The following STAU1 variants were observed in gnomAD, a reference collection of about 807,000 sequenced individuals.
STAU1 encodes staufen double-stranded RNA binding protein 1.
A neutral mutation model predicts 62.9 loss-of-function variants in STAU1; 13 were observed. The observed-to-expected ratio is 0.21, with a 90% confidence interval of 0.13 to 0.33. The LOEUF is 0.33. Ranked by LOEUF, STAU1 falls within the 10% of genes least tolerant of loss-of-function variation. The pLI is 1.00. For missense variants in STAU1, 571 were observed against 712.1 expected, an observed-to-expected ratio of 0.80 and a Z score of 2.25; for synonymous variants, 269 against 265.1, an observed-to-expected ratio of 1.01 and a Z score of -0.14.
chr20:49,158,389 A>G (rs745559213), intron 3 of STAU1: 2 of 1,210,894 alleles, frequency 1.7e-6, no homozygotes, highest in East Asian at 1.1e-4. Flanking sequence ...GGATTTCAGT[A>G]TGTCTAGGTC....
rs746719921 is a variant in STAU1, at chr20:49,151,839, G to A, written c.345-92C>T. 6.7e-5 allele frequency: 75 copies of A among 1,124,708 alleles called. No homozygotes were observed. In the Middle Eastern group the frequency reaches 7.4e-4, roughly 11 times the overall value. 69.7% of individuals were successfully genotyped at this position (1,124,708 alleles called of 1,614,324 possible). On this transcript the variant is annotated intron_variant, in intron 4 of 13. Coordinates refer to ENST00000371856, the MANE Select transcript of STAU1 (RefSeq NM_017453.4). ...CAAATGCAAGTATTTCCTTCATCAC[G>A]ATCCTACTCACATTAGTGTTTGATG... is the stretch of plus-strand genomic sequence containing the variant.
Position 49,117,353 on chromosome 20 carries a change from C to T in STAU1, c.1510-105G>A. On this transcript the variant is annotated intron_variant, in intron 11 of 13. Coordinates refer to ENST00000371856, the MANE Select transcript of STAU1 (RefSeq NM_017453.4). The surrounding 1 kb of genome is among the most constrained non-coding windows in gnomAD (Gnocchi z 4.6). ...CAAGCAAGATCACCAGCTCTTTTTT[C>T]CAACTCAGCCCCACTGTGGCCATAC... 3 of 1,414,152 alleles carry T rather than the reference C, an allele frequency of 2.1e-6. No homozygotes were observed. The highest frequency in any genetic ancestry group is 2.9e-6 in the Non-Finnish European group (3 of 1,027,814). The allele number at this position is 1,414,152 out of a possible 1,614,324, so 87.6% of individuals were successfully genotyped here.
the STAU1 span, among the ~76,000 whole-genome samples, chr20:49,194,440 AAAAAAAAG>A: frequency 1.8e-3 from 265 of 149,616 alleles, 3 homozygotes; most frequent in African/African-American, 5.6e-3. Context: ...AAAAAAAAAA[AAAAAAAAG>A]AAAAGAAAAA....
intron 3 of STAU1, chr20:49,158,556 T>A: frequency 7.9e-7 from 1 of 1,273,276 alleles, no homozygotes; most frequent in South Asian, 1.2e-5. Flanking sequence ...ATGCCTGTAA[T>A]CCTAGCACTT....
chr20:49,167,793 T>C (rs2093546589), intron 2 of STAU1, among the ~76,000 whole-genome samples: 1 of 152,224 alleles, frequency 6.6e-6, no homozygotes, highest in African/African-American at 2.4e-5. Flanking sequence ...TCCTGCTTTT[T>C]GTAAACTATC....
the STAU1 span, among the ~76,000 whole-genome samples, chr20:49,205,799 C>G: frequency 8.0e-5 from 12 of 150,070 alleles, no homozygotes; most frequent in African/African-American, 2.9e-4. Flanking sequence ...CTCAGCCTCC[C>G]GAGTAGCTGG....
upstream of STAU1, among the ~76,000 whole-genome samples, chr20:49,191,503 A>T (rs2093831196): frequency 6.0e-5 from 4 of 66,994 alleles, no homozygotes; most frequent in Admixed American, 4.3e-4. Flanking sequence ...TGCCAGGGAC[A>T]CAATAGTACA....
At chr20:49,140,916 C>A (rs2092991958) in intron 5 of STAU1, among the ~76,000 whole-genome samples, 1 of 144,660 alleles carries the variant, frequency 6.9e-6, no homozygotes, top group Non-Finnish European at 1.5e-5. Context: ...TTGTGCACAA[C>A]AGAATAAAGC....
intron 6 of STAU1, among the ~76,000 whole-genome samples, chr20:49,133,732 G>A (rs931445580): frequency 3.3e-5 from 5 of 152,168 alleles, no homozygotes; most frequent in African/African-American, 1.2e-4. Flanking sequence ...GTGTAAACCT[G>A]CTCTTACCCA....
intron 1 of STAU1, among the ~76,000 whole-genome samples, chr20:49,181,824 C>A (rs943975152): frequency 7.3e-6 from 1 of 137,294 alleles, no homozygotes; most frequent in Non-Finnish European, 1.6e-5. Flanking sequence ...GAAGGTTTAA[C>A]CCTCAGCAAT....
At position 49,118,084 on chromosome 20, in the gene STAU1, T is replaced by C. The variant is rs759395329; in HGVS notation, c.1202A>G (p.Asp401Gly). 6.2e-7 allele frequency: 1 copy of C among 1,613,914 alleles called. No homozygotes were observed. The highest frequency in any genetic ancestry group is 1.1e-5 in the South Asian group (1 of 91,076). Reference protein sequence around the residue: ...GDENGTSNKEDEFRMPYLSHQ... With the variant: ...GDENGTSNKEGEFRMPYLSHQ... Reference sequence around the variant, plus strand: ...ACTTAGATAAGGCATCCTGAACTCATCCTCTTTATTACCTGGGAGGGACAT... The same window carrying C: ...ACTTAGATAAGGCATCCTGAACTCACCCTCTTTATTACCTGGGAGGGACAT... The change falls in exon 11 of 14, where the codon GAT becomes GGT. Residue 401 changes from aspartate to glycine, a missense_variant. Physicochemically the swap from Asp to Gly is moderately conservative, Grantham distance 94. Transcript: ENST00000371856.
intron 1 of STAU1, among the ~76,000 whole-genome samples, chr20:49,181,719 T>C (rs1252274709): frequency 7.9e-6 from 1 of 126,210 alleles, no homozygotes; most frequent in South Asian, 2.4e-4. Flanking sequence ...TGAGCCGAGA[T>C]GATACCTCTG....
At chr20:49,194,571 C>CTATGATCTTCCAAATTAT in the STAU1 span, among the ~76,000 whole-genome samples, 1 of 151,680 alleles carries the variant, frequency 6.6e-6, no homozygotes, top group African/African-American at 2.4e-5. Flanking sequence ...CTGCAGAGAA[C>CTATGATCTTCCAAATTAT]TATTATTATT....
intron 1 of STAU1, among the ~76,000 whole-genome samples, chr20:49,187,762 C>T (rs1403708664): frequency 7.9e-6 from 1 of 126,322 alleles, no homozygotes; most frequent in Non-Finnish European, 1.6e-5. Context: ...CCTCGGGGAC[C>T]TGAAGCAGGG....
At chr20:49,153,904 T>C in intron 4 of STAU1, 29 bp downstream of exon 4, 4 of 1,335,430 alleles carry the variant, frequency 3.0e-6, no homozygotes, top group Non-Finnish European at 3.9e-6. Flanking sequence ...TCCTGTATTT[T>C]ACAAAAAAAA....
chr20:49,118,523 G>A, intron 9 of STAU1, 115 bp from the exon 10 acceptor site: 2 of 829,538 alleles, frequency 2.4e-6, no homozygotes, highest in South Asian at 3.3e-5. Context: ...GTGGCAATCG[G>A]CAGAAAAACC....
Position 49,157,846 on chromosome 20 carries a change from C to T in STAU1, c.206-3775G>A, listed in dbSNP as rs555001620. The stretch of plus-strand genomic sequence containing the variant: ...CTATGTTGCCTAGGCTGGTCTTAAA[C>T]TCCTGGGCTCCAGTGATCCTCTCGC... On this transcript the variant is annotated intron_variant, in intron 3 of 13. Coordinates refer to ENST00000371856, the MANE Select transcript of STAU1 (RefSeq NM_017453.4). Among the ~76,000 whole-genome samples the T allele has an allele frequency of 3.3e-5, 5 of 152,018 alleles. No individual in the cohort carries two copies. In the South Asian group the frequency reaches 1.0e-3, roughly 32 times the overall value.
chr20:49,180,260 G>A (rs978872014), intron 1 of STAU1, among the ~76,000 whole-genome samples: 1 of 151,728 alleles, frequency 6.6e-6, no homozygotes, highest in South Asian at 2.1e-4. Context: ...CACTAAAGCA[G>A]AATGTTAGAA....
chr20:49,142,935 TG>T (rs2093041434), intron 5 of STAU1, among the ~76,000 whole-genome samples: 1 of 152,142 alleles, frequency 6.6e-6, no homozygotes, highest in East Asian at 1.9e-4. Context: ...CCTCATTAGC[TG>T]AGACTACAGG....
Sources: allele counts gnomAD v4.1 joint callset (sites outside exome capture counted in the v4.1 genomes callset), GRCh38; gene constraint gnomAD v4.1.1; non-coding constraint Gnocchi (gnomAD v3.1); transcripts MANE v1.5; gene names NCBI Gene and HGNC (gene_info 2026-07-23, HGNC 2026-07-21).